PMFBP1: variants seen among roughly 807,000 people sequenced by gnomAD.
PMFBP1 encodes polyamine-modulated factor 1-binding protein 1.
PMFBP1 carries 131 observed loss-of-function variants against 137.8 expected under a neutral mutation model. The ratio of observed to expected loss-of-function variants is 0.95; its 90% CI spans 0.82 to 1.10. The LOEUF is 1.10. Among genes scored for constraint, PMFBP1 ranks in the 50% least tolerant of loss-of-function variants. PMFBP1 has a pLI of 0.00. For synonymous variants in PMFBP1, 490 were observed against 450.4 expected, an observed-to-expected ratio of 1.09 and a Z score of -1.11; for missense variants, 1,199 against 1,175.4, an observed-to-expected ratio of 1.02 and a Z score of -0.29.
chr16:72,133,819 G>T (rs1173208693), intron 9 of PMFBP1, among the ~76,000 whole-genome samples: 1 of 152,128 alleles, frequency 6.6e-6, no homozygotes, highest in African/African-American at 2.4e-5. Context: ...CAGACTCCTG[G>T]GTAAGGTCTC....
rs377243542 is a variant in PMFBP1, at chr16:72,119,870, G to A, written c.2988C>T (p.Ile996=). 1.9e-5 allele frequency: 30 copies of A among 1,614,024 alleles called. No homozygotes were observed. The highest frequency in any genetic ancestry group is 2.3e-5 in the Non-Finnish European group (27 of 1,180,030). ...MGQRMDLTKY[I]GMPHCPGSSY... is the part of the protein sequence containing the mutation. ...ACGTACCCGGGCAGTGGGGCATCCC[G>A]ATGTACTTGGTGAGGTCCATTCTTT... The change falls in exon 20 of 21, where the codon ATC becomes ATT. Residue 996 remains isoleucine (I), a synonymous_variant. Transcript: ENST00000237353.
chr16:72,140,068 T>A (rs907072373), intron 6 of PMFBP1, among the ~76,000 whole-genome samples: 7 of 152,236 alleles, frequency 4.6e-5, no homozygotes, highest in Middle Eastern at 3.2e-3. Context: ...GCGCCTTCCA[T>A]GCAGCTCTTA....
At chr16:72,172,971 T>C (rs1596983914), upstream of PMFBP1, among the ~76,000 whole-genome samples, 1 of 152,206 alleles carries the variant, frequency 6.6e-6, no homozygotes, top group African/African-American at 2.4e-5. Flanking sequence ...ACACGAGGTA[T>C]GCCTGTACTG....
At chr16:72,230,147 A>G in the PMFBP1 span, among the ~76,000 whole-genome samples, 1 of 152,144 alleles carries the variant, frequency 6.6e-6, no homozygotes, top group Non-Finnish European at 1.5e-5. Flanking sequence ...GTGTGCTTTT[A>G]CTGACTGGTA....
At chr16:72,197,764 C>T in the PMFBP1 span, among the ~76,000 whole-genome samples, 3 of 152,118 alleles carry the variant, frequency 2.0e-5, no homozygotes, top group East Asian at 5.8e-4. Flanking sequence ...AGAACCTTAG[C>T]GAGAAGCTGA....
rs975548172 is a variant in PMFBP1, at chr16:72,128,669, G to A, written c.2076C>T (p.Asp692=). The change falls in exon 14 of 21, where the codon GAC becomes GAT. Residue 692 remains aspartate (D), a synonymous_variant. Transcript: ENST00000237353. The part of the protein sequence containing the change: ...KYNTSQQVIQ[D]LNKEIALQKE... ...CCTGTCTACTCACCTCTTTATTCAA[G>A]TCTTGGATGACTTGCTGGCTGGTGT... 6 of 1,614,010 alleles carry A rather than the reference G, an allele frequency of 3.7e-6. No individual in the cohort carries two copies. The highest frequency in any genetic ancestry group is 1.6e-4 in the Middle Eastern group (1 of 6,084).
the PMFBP1 span, among the ~76,000 whole-genome samples, chr16:72,192,745 A>C: frequency 6.6e-6 from 1 of 151,960 alleles, no homozygotes; most frequent in African/African-American, 2.4e-5. Context: ...CTACTAAAAT[A>C]CAAAAAATTA....
chr16:72,148,975 C>G (rs921096568), intron 5 of PMFBP1, among the ~76,000 whole-genome samples: 1 of 152,246 alleles, frequency 6.6e-6, no homozygotes, highest in African/African-American at 2.4e-5. Context: ...TAGCAAGGCT[C>G]TGAAGGTTCA....
At chr16:72,189,138 C>T in the PMFBP1 span, among the ~76,000 whole-genome samples, 1 of 152,042 alleles carries the variant, frequency 6.6e-6, no homozygotes, top group African/African-American at 2.4e-5. Context: ...AATATTAGCT[C>T]ATTAATTCTC....
chr16:72,201,796 T>C, the PMFBP1 span, among the ~76,000 whole-genome samples: 1 of 152,160 alleles, frequency 6.6e-6, no homozygotes, highest in Non-Finnish European at 1.5e-5. Flanking sequence ...TAAAAAATAC[T>C]TTCAAAGCTC....
At chr16:72,164,061 A>G (rs914708327) in intron 3 of PMFBP1, among the ~76,000 whole-genome samples, 1 of 143,778 alleles carries the variant, frequency 7.0e-6, no homozygotes, top group Non-Finnish European at 1.5e-5. Flanking sequence ...CAACAACAAC[A>G]TTGGGTTAAA....
chr16:72,185,066 C>T, the PMFBP1 span, among the ~76,000 whole-genome samples: 1 of 151,910 alleles, frequency 6.6e-6, no homozygotes, highest in Admixed American at 6.6e-5. Flanking sequence ...CTGTGTCACC[C>T]AGGCTGGAGT....
chr16:72,151,755 G>C (rs1177906751), intron 4 of PMFBP1, among the ~76,000 whole-genome samples: 1 of 152,166 alleles, frequency 6.6e-6, no homozygotes, highest in Non-Finnish European at 1.5e-5. Flanking sequence ...CCAAATATTT[G>C]TAACCAAAGC....
the PMFBP1 span, among the ~76,000 whole-genome samples, chr16:72,200,719 G>C: frequency 7.2e-5 from 11 of 152,326 alleles, 1 homozygote; most frequent in African/African-American, 2.6e-4. Flanking sequence ...AATTCTTACA[G>C]CTTTTCAAAG....
At chr16:72,126,891 T>C (rs568609802) in intron 14 of PMFBP1, among the ~76,000 whole-genome samples, 1 of 152,340 alleles carries the variant, frequency 6.6e-6, no homozygotes, top group South Asian at 2.1e-4. Flanking sequence ...CTTCCACAAA[T>C]TGAAATCATT....
the PMFBP1 span, among the ~76,000 whole-genome samples, chr16:72,196,017 G>A: frequency 6.6e-6 from 1 of 151,252 alleles, no homozygotes; most frequent in Non-Finnish European, 1.5e-5. Context: ...GTGTGTGTGT[G>A]TGTGTGTGTG....
chr16:72,201,283 T>A, the PMFBP1 span, among the ~76,000 whole-genome samples: 1 of 152,258 alleles, frequency 6.6e-6, no homozygotes, highest in Non-Finnish European at 1.5e-5. Flanking sequence ...TTCATAATTT[T>A]ATGCTGAACA....
At chr16:72,185,381 C>G in the PMFBP1 span, among the ~76,000 whole-genome samples, 15 of 152,012 alleles carry the variant, frequency 9.9e-5, no homozygotes, top group Non-Finnish European at 2.1e-4. Flanking sequence ...CGCCAGAGCT[C>G]TACTGAACTA....
intron 3 of PMFBP1, among the ~76,000 whole-genome samples, chr16:72,157,528 T>C (rs2043001095): frequency 6.6e-6 from 1 of 151,900 alleles, no homozygotes. Context: ...TTGCAGCCAC[T>C]TTTTTTTCTG....
Sources: gnomAD v4.1 joint callset for allele counts (sites outside exome capture counted in the v4.1 genomes callset) on GRCh38, gnomAD v4.1.1 for gene constraint, MANE v1.5 for transcripts, NCBI Gene and HGNC (gene_info 2026-07-23, HGNC 2026-07-21) for gene names.